MTMR10: variants seen among roughly 807,000 people sequenced by gnomAD.
MTMR10 encodes myotubularin related protein 10, also known as myotubularin-related protein 10.
MTMR10 carries 56 observed loss-of-function variants against 88.1 expected under a neutral mutation model. The observed-to-expected ratio is 0.64, with a 90% CI of 0.51 to 0.79. The LOEUF (loss-of-function observed/expected upper bound fraction) is 0.79. Among genes scored for constraint, MTMR10 ranks in the 30% least tolerant of loss-of-function variants. The pLI is 0.00. For missense variants in MTMR10, 883 were observed against 924.7 expected (o/e 0.95, Z 0.58); for synonymous variants, 380 against 340.9 (o/e 1.11, Z -1.26).
chr15:30,954,864 G>A lies in MTMR10; in HGVS notation c.965C>T (p.Pro322Leu), dbSNP rs1483180989. ...TGATTTGTAAACATCACTTCTCTGTGGGTGACTTTTAGTTATTGCATTACA... is the reference window on the plus strand; with the variant it reads ...TGATTTGTAAACATCACTTCTCTGTAGGTGACTTTTAGTTATTGCATTACA... ...RICNAITKSH[P>L]QRSDVYKSDL... The change falls in exon 10 of 16, where the codon CCA becomes CTA. Residue 322 changes from proline (P) to leucine (L), a missense_variant. Pro to Leu is a moderately conservative substitution (Grantham distance 98, BLOSUM62 -3). Around this residue, in one of 3 missense-constraint regions of MTMR10, gnomAD observed 414 missense variants for 423.2 expected, o/e 0.98. Coordinates refer to ENST00000435680, the MANE Select transcript of MTMR10 (RefSeq NM_017762.3). 6.4e-7 allele frequency: 1 copy of A among 1,561,730 alleles called. No homozygotes were observed. The highest frequency in any genetic ancestry group is 8.7e-7 in the Non-Finnish European group (1 of 1,152,156).
At chr15:30,920,925 A>C in the MTMR10 span, among the ~76,000 whole-genome samples, 1 of 152,192 alleles carries the variant, frequency 6.6e-6, no homozygotes, top group Non-Finnish European at 1.5e-5. Flanking sequence ...CTGGGACTAC[A>C]GGCGTGCGCC....
chr15:30,960,836 G>T, intron 7 of MTMR10, 45 bp downstream of exon 7: 1 of 1,473,770 alleles, frequency 6.8e-7, no homozygotes, highest in South Asian at 1.5e-5. Flanking sequence ...TATTCATAGG[G>T]AAGTGACTTC....
At chr15:30,926,848 C>T in the MTMR10 span, 1 of 985,424 alleles carries the variant, frequency 1.0e-6, no homozygotes, top group Non-Finnish European at 1.2e-6. Context: ...CTATTTTTCC[C>T]TGATTAAAAT....
chr15:30,959,009 A>G (rs1283722385), intron 8 of MTMR10, 25 bp downstream of exon 8: 1 of 1,613,622 alleles, frequency 6.2e-7, no homozygotes, highest in Admixed American at 1.7e-5. Context: ...GTCAGCATTC[A>G]TAAAATCCAA....
At chr15:30,960,129 T>G (rs2063381628) in intron 7 of MTMR10, among the ~76,000 whole-genome samples, 1 of 152,112 alleles carries the variant, frequency 6.6e-6, no homozygotes, top group Non-Finnish European at 1.5e-5. Flanking sequence ...CAATCCTTAG[T>G]GAAATAACGA....
chr15:30,941,768 A>T lies in MTMR10; in HGVS notation c.2036T>A (p.Phe679Tyr). The change falls in exon 16 of 16, where the codon TTT becomes TAT. Residue 679 changes from phenylalanine to tyrosine, a missense_variant. Coordinates refer to ENST00000435680, the MANE Select transcript of MTMR10 (RefSeq NM_017762.3). ...ATCAGCCAGGAGGGAGAGCTTGTGA[A>T]AGGCTGTGATGGAGCCACCCAGGCT... ...QISLGGSITAFHKLSLLADEV... is the reference protein window; with the variant it reads ...QISLGGSITAYHKLSLLADEV... The T allele has an allele frequency of 1.2e-6, 2 of 1,613,974 alleles. No individual in the cohort carries two copies. The highest frequency in any genetic ancestry group is 1.7e-6 in the Non-Finnish European group (2 of 1,179,864).
the MTMR10 span, chr15:30,925,813 C>T: frequency 4.9e-5 from 79 of 1,614,040 alleles, no homozygotes; most frequent in Non-Finnish European, 6.4e-5. Flanking sequence ...CAGGCTGTGC[C>T]CACAGCGTGG....
chr15:30,922,459 A>G, the MTMR10 span: 10 of 1,166,088 alleles, frequency 8.6e-6, no homozygotes, highest in Non-Finnish European at 1.2e-5. Flanking sequence ...TAGAACATGT[A>G]TTTCTTTTGT....
intron 5 of MTMR10, among the ~76,000 whole-genome samples, chr15:30,968,554 C>T (rs997823484): frequency 6.6e-6 from 1 of 151,424 alleles, no homozygotes; most frequent in Non-Finnish European, 1.5e-5. Flanking sequence ...CACACACACA[C>T]ACACACACAC....
At chr15:30,984,055 A>G (rs937701009) in intron 2 of MTMR10, among the ~76,000 whole-genome samples, 17 of 152,332 alleles carry the variant, frequency 1.1e-4, no homozygotes, top group African/African-American at 3.6e-4. Flanking sequence ...AATAAGGAAT[A>G]AGGCATCTGG....
intron 2 of MTMR10, among the ~76,000 whole-genome samples, chr15:30,987,118 T>C (rs138310549): frequency 5.9e-5 from 9 of 152,318 alleles, no homozygotes; most frequent in South Asian, 2.1e-4. Context: ...GCTGACTACT[T>C]TGACAGAGTA....
At chr15:30,925,589 C>G in the MTMR10 span, among the ~76,000 whole-genome samples, 703 of 152,306 alleles carry the variant, frequency 4.6e-3, 4 homozygotes, top group African/African-American at 0.016. Flanking sequence ...TAGAGCAGTT[C>G]TGGTGGTTGA....
chr15:30,925,225 G>A, the MTMR10 span: 41 of 1,613,996 alleles, frequency 2.5e-5, no homozygotes, highest in East Asian at 2.7e-4. Flanking sequence ...GAGAGTCTCC[G>A]AGCTGTAAAA....
Position 30,974,344 on chromosome 15 carries a change from A to C in MTMR10, c.444T>G (p.Phe148Leu), listed in dbSNP as rs775554342. Residue 148 changes from phenylalanine to leucine, a missense_variant, in exon 5 of 16, where the codon TTT (phenylalanine) becomes TTG (leucine). Physicochemically the swap from Phe to Leu is conservative, Grantham distance 22. This residue lies in a region of MTMR10 where 414 missense variants were observed against 423.2 expected (regional missense o/e 0.98). Transcript: ENST00000435680. ...TAGCACTTTCGGGACCTGATTCATC[A>C]AAGCGAAATCTGACAATTCTGAAAT... ...CKDFRIVRFR[F>L]DESGPESAKK... 6.2e-7 allele frequency: 1 copy of C among 1,603,952 alleles called. No homozygotes were observed.
chr15:30,938,863 G>A (rs997459412), downstream of MTMR10: 22 of 954,470 alleles, frequency 2.3e-5, no homozygotes, highest in African/African-American at 3.5e-5. Flanking sequence ...TGACACAGAA[G>A]TATGGGTAGG....
chr15:30,921,337 ACCTTTTGCTT>A, the MTMR10 span, among the ~76,000 whole-genome samples: 1 of 151,896 alleles, frequency 6.6e-6, no homozygotes, highest in Non-Finnish European at 1.5e-5. Flanking sequence ...TCTCTGAGGG[ACCTTTTGCTT>A]CCTTTTGCTT....
rs923889353 is a variant in MTMR10 at position 30,939,300 on chromosome 15, G to A, written c.*2170C>T. The stretch of plus-strand genomic sequence containing the variant: ...ACTAGAAATTTCACCCAGTGCATCA[G>A]CATCTGTGCGGCATTCCCTCAGCAC... On this transcript the variant is annotated 3_prime_UTR_variant, in exon 16 of 16. Transcript: ENST00000435680. 3 of 985,332 alleles carry A rather than the reference G, an allele frequency of 3.0e-6. No individual in the cohort carries two copies. The African/African-American group carries it at 5.2e-5, about 17-fold the overall frequency. 61.0% of individuals were successfully genotyped at this position (985,332 alleles called of 1,614,324 possible). A position where few individuals can be genotyped will look rare whatever the true frequency, so the allele number is the denominator to read the frequency against.
chr15:30,934,096 C>G (rs1357545194), downstream of MTMR10, among the ~76,000 whole-genome samples: 2 of 152,086 alleles, frequency 1.3e-5, no homozygotes, highest in East Asian at 1.9e-4. Context: ...TTTTGAAGGT[C>G]TGTTATAAGA....
intron 14 of MTMR10, among the ~76,000 whole-genome samples, chr15:30,944,189 A>C (rs894581345): frequency 2.0e-5 from 3 of 152,236 alleles, no homozygotes; most frequent in Admixed American, 2.0e-4. Context: ...GCTGTGTAAC[A>C]GCACAGGGCA....
Sources: allele counts gnomAD v4.1 joint callset (sites outside exome capture counted in the v4.1 genomes callset), GRCh38; gene constraint gnomAD v4.1.1; regional missense constraint gnomAD v4.1.1; transcripts MANE v1.5; gene names NCBI Gene and HGNC (gene_info 2026-07-23, HGNC 2026-07-21).